The following TRAF3IP3 variants were observed in gnomAD, a reference collection of about 807,000 sequenced individuals.
TRAF3IP3 encodes TRAF3-interacting JNK-activating modulator.
TRAF3IP3 carries 64 observed loss-of-function variants against 86.5 expected under a neutral mutation model. That is an observed-to-expected ratio of 0.74 (90% CI 0.60 to 0.91). The LOEUF (loss-of-function observed/expected upper bound fraction) is 0.91. Ranked by LOEUF, TRAF3IP3 falls within the 40% of genes least tolerant of loss-of-function variation. The probability of loss-of-function intolerance (pLI) is 0.00; values close to 1 mark genes in which losing one functional copy is unlikely to be tolerated. For synonymous variants in TRAF3IP3, 220 were observed against 243.9 expected, an observed-to-expected ratio of 0.90 and a Z score of 0.91; for missense variants, 579 against 642.9, an observed-to-expected ratio of 0.90 and a Z score of 1.07.
Position 209,762,589 on chromosome 1 carries a change from C to T in TRAF3IP3, c.420C>T (p.Asp140=). The T allele has an allele frequency of 1.3e-6, 2 of 1,512,654 alleles. No homozygotes were observed. The highest frequency in any genetic ancestry group is 1.8e-6 in the Non-Finnish European group (2 of 1,133,256). The allele number at this position is 1,512,654 out of a possible 1,614,324, so 93.7% of individuals were successfully genotyped here. A position where few individuals can be genotyped will look rare whatever the true frequency, so the allele number is the denominator to read the frequency against. Residue 140 remains aspartate (D), a synonymous_variant, in exon 4 of 17, where the codon GAC becomes GAT. Transcript: ENST00000367025. ...PPSGICRDLS[D]HLSSQAGGLP... The stretch of plus-strand genomic sequence containing the variant: ...CAGGCATCTGCAGGGATCTGTCTGA[C>T]CACCTCTCCTCACAGGCTGGGGGCC...
intron 8 of TRAF3IP3, among the ~76,000 whole-genome samples, chr1:209,767,187 C>T (rs536570732): frequency 1.3e-5 from 2 of 152,194 alleles, no homozygotes; most frequent in East Asian, 3.9e-4. Context: ...AAAGGAAACC[C>T]ATATATGTAT....
At chr1:209,771,201 G>A (rs1314989322) in intron 8 of TRAF3IP3, among the ~76,000 whole-genome samples, 1 of 148,476 alleles carries the variant, frequency 6.7e-6, no homozygotes, top group Non-Finnish European at 1.5e-5. Context: ...AGGTGTGCGT[G>A]TTCATGTGAA....
At chr1:209,774,778 G>A (rs1571953842) in intron 9 of TRAF3IP3, among the ~76,000 whole-genome samples, 1 of 152,310 alleles carries the variant, frequency 6.6e-6, no homozygotes, top group East Asian at 1.9e-4. Flanking sequence ...TCTAAATGCA[G>A]AACTGAAAAG....
chr1:209,763,831 G>C (rs2077291208), intron 8 of TRAF3IP3, among the ~76,000 whole-genome samples: 1 of 152,084 alleles, frequency 6.6e-6, no homozygotes, highest in African/African-American at 2.4e-5. Flanking sequence ...AAACAAAAGT[G>C]GCAAGAATTC....
chr1:209,762,916 TAG>T (rs2077272244), intron 5 of TRAF3IP3, 46 bp downstream of exon 5: 1 of 1,610,946 alleles, frequency 6.2e-7, no homozygotes, highest in African/African-American at 1.3e-5. Context: ...CATTCCTCTC[TAG>T]AGAGAACACA....
At chr1:209,771,999 G>GTGTATGTGTGCAGGTGGAAA (rs2077551466) in intron 8 of TRAF3IP3, among the ~76,000 whole-genome samples, 2 of 150,280 alleles carry the variant, frequency 1.3e-5, no homozygotes, top group South Asian at 4.2e-4. Flanking sequence ...GCAGGTGGAA[G>GTGTATGTGTGCAGGTGGAAA]TGTATGTGTG....
chr1:209,775,368 T>C lies in TRAF3IP3; in HGVS notation c.794T>C (p.Met265Thr). 1 of 1,613,300 alleles carries C rather than the reference T, an allele frequency of 6.2e-7. No homozygotes were observed. Among genetic ancestry groups the C allele is most frequent in the Non-Finnish European group, 8.5e-7 (1 of 1,179,620 alleles). The change falls in exon 10 of 17, where the codon ATG becomes ACG. Residue 265 changes from methionine (M) to threonine (T), a missense_variant. Met to Thr is a moderately conservative substitution (Grantham distance 81, BLOSUM62 -1). Coordinates refer to ENST00000367025, the MANE Select transcript of TRAF3IP3 (RefSeq NM_025228.4). ...TCTQKYSPWG[M>T]KKVLLEMEDQ... ...TTACAGAAATACTCCCCTTGGGGAA[T>C]GAAAAAAGTACTACTGGAGATGGAA...
intron 8 of TRAF3IP3, among the ~76,000 whole-genome samples, chr1:209,764,497 T>C (rs919147464): frequency 7.9e-5 from 12 of 152,134 alleles, no homozygotes; most frequent in African/African-American, 2.9e-4. Flanking sequence ...ATCCCAGCAC[T>C]TTGGGAGCCC....
Position 209,780,622 on chromosome 1 carries a change from G to T in TRAF3IP3, c.1449+16G>T. 1 of 1,545,648 alleles carries T rather than the reference G, an allele frequency of 6.5e-7. No homozygotes were observed. Among genetic ancestry groups the T allele is most frequent in the South Asian group, 1.2e-5 (1 of 83,472 alleles). ...GGAAAAGGAGGTGAGAGGGTGACCT[G>T]AGATAGTGAGGGCTCATTTGCGAAA... On this transcript the variant is annotated intron_variant, in intron 15 of 16. Transcript: ENST00000367025.
chr1:209,767,198 A>T (rs1038255908), intron 8 of TRAF3IP3, among the ~76,000 whole-genome samples: 5 of 152,202 alleles, frequency 3.3e-5, no homozygotes, highest in Non-Finnish European at 7.3e-5. Flanking sequence ...ATATATGTAT[A>T]TATATAAAAT....
At chr1:209,759,574 G>C (rs573192561) in intron 2 of TRAF3IP3, among the ~76,000 whole-genome samples, 1 of 152,232 alleles carries the variant, frequency 6.6e-6, no homozygotes, top group Admixed American at 6.5e-5. Flanking sequence ...GGGCAGATTG[G>C]CTCAACTTAG....
Position 209,777,392 on chromosome 1 carries a change from G to A in TRAF3IP3, c.1094G>A (p.Arg365Gln), listed in dbSNP as rs753022343. 6.8e-6 allele frequency: 11 copies of A among 1,613,828 alleles called. No individual in the cohort carries two copies. Among genetic ancestry groups the A allele is most frequent in the East Asian group, 4.5e-5 (2 of 44,878 alleles). ...SRDLQMNQAL[R>Q]FLENEHQQLQ... ...GACTTACAGATGAACCAGGCCCTGC[G>A]ATTTTTGGAAAATGAGCACCAGCAA... Residue 365 changes from arginine (R) to glutamine (Q), a missense_variant, in exon 12 of 17, where the codon CGA becomes CAA. Transcript: ENST00000367025.
chr1:209,764,850 T>C (rs926472533), intron 8 of TRAF3IP3, among the ~76,000 whole-genome samples: 2 of 151,760 alleles, frequency 1.3e-5, no homozygotes, highest in Non-Finnish European at 2.9e-5. Context: ...TGAAAATATA[T>C]AAGAAATGTT....
chr1:209,767,733 C>G (rs1278436434), intron 8 of TRAF3IP3, among the ~76,000 whole-genome samples: 1 of 151,422 alleles, frequency 6.6e-6, no homozygotes, highest in African/African-American at 2.4e-5. Flanking sequence ...CAATAAGAAC[C>G]CTGGCTCCAA....
chr1:209,768,521 C>T (rs768263986), intron 8 of TRAF3IP3: 21 of 985,440 alleles, frequency 2.1e-5, no homozygotes, highest in South Asian at 4.7e-5. Flanking sequence ...GGCTGAAGCC[C>T]TAAGCAACCT....
intron 9 of TRAF3IP3, 98 bp downstream of exon 9, chr1:209,773,117 T>C: frequency 1.9e-6 from 2 of 1,076,746 alleles, no homozygotes; most frequent in Non-Finnish European, 1.3e-6. Flanking sequence ...CACCACCAGA[T>C]AGAGAATAAC....
intron 9 of TRAF3IP3, among the ~76,000 whole-genome samples, chr1:209,774,057 C>T (rs1225450854): frequency 1.3e-5 from 2 of 152,150 alleles, no homozygotes; most frequent in Non-Finnish European, 2.9e-5. Flanking sequence ...TCATATTGAT[C>T]CCTAAATTGT....
intron 8 of TRAF3IP3, among the ~76,000 whole-genome samples, chr1:209,771,252 GGT>G (rs201416601): frequency 2.1e-5 from 3 of 141,718 alleles, no homozygotes; most frequent in African/African-American, 2.7e-5. Context: ...TGCAGGTGGA[GGT>G]GTGTGTCCCT....
chr1:209,771,183 G>A (rs1293959512), intron 8 of TRAF3IP3, among the ~76,000 whole-genome samples: 8 of 146,688 alleles, frequency 5.5e-5, no homozygotes, highest in Non-Finnish European at 1.0e-4. Context: ...GTGTGCGTGC[G>A]CATGTGGAGG....
Sources: gnomAD v4.1 joint callset for allele counts (sites outside exome capture counted in the v4.1 genomes callset) on GRCh38, gnomAD v4.1.1 for gene constraint, MANE v1.5 for transcripts, NCBI Gene and HGNC (gene_info 2026-07-23, HGNC 2026-07-21) for gene names.